BRF1: variants seen among roughly 807,000 people sequenced by gnomAD.
BRF1 encodes the protein BRF1 general transcription factor IIIB subunit.
BRF1 carries 59 observed loss-of-function variants against 81.7 expected under a neutral mutation model. That is an observed-to-expected ratio of 0.72 (90% CI 0.59 to 0.90). The LOEUF (loss-of-function observed/expected upper bound fraction) is 0.90, where lower values mean the gene tolerates loss of function less well. Ranked by LOEUF, BRF1 falls within the 40% of genes least tolerant of loss-of-function variation. The pLI, the probability that BRF1 is intolerant of heterozygous loss-of-function variation, is 0.00. For missense variants in BRF1, 1,050 were observed against 936.3 expected, an observed-to-expected ratio of 1.12 and a Z score of -1.58; for synonymous variants, 491 against 395.6, an observed-to-expected ratio of 1.24 and a Z score of -2.86.
At position 105,226,634 on chromosome 14, in the gene BRF1, C is replaced by G. The variant is rs1893150341; in HGVS notation, c.915G>C (p.Gln305His). Residue 305 changes from glutamine (Q) to histidine (H), a missense_variant and splice_region_variant, in exon 8 of 18, where the codon CAG (glutamine) becomes CAC (histidine). Physicochemically the swap from Gln to His is conservative, Grantham distance 24. Around this residue, in one of 2 missense-constraint regions of BRF1, gnomAD observed 1,043 missense variants for 915.4 expected, o/e 1.14. Coordinates refer to ENST00000547530, the MANE Select transcript of BRF1 (RefSeq NM_001519.4). ...TAGQRKLRMKQLEQVLSKKLE... is the reference protein window; with the variant it reads ...TAGQRKLRMKHLEQVLSKKLE... ...AGACAGACACCAAAGCCGGCGCTAC[C>G]TGCTTCATCCGCAGCTTCCTCTGCC... 6.2e-7 allele frequency: 1 copy of G among 1,613,110 alleles called. No homozygotes were observed.
intron 3 of BRF1, among the ~76,000 whole-genome samples, chr14:105,267,092 C>T (rs371138779): frequency 6.6e-6 from 1 of 152,126 alleles, no homozygotes; most frequent in East Asian, 1.9e-4. Context: ...GAGCAGCAGA[C>T]ACAGTTGTGT....
At chr14:105,228,679 CG>C in intron 7 of BRF1, 140 bp downstream of exon 7, 2 of 885,728 alleles carry the variant, frequency 2.3e-6, no homozygotes, top group East Asian at 4.9e-5. Flanking sequence ...ATAGTGTGAC[CG>C]GGGCTGGGCT....
At chr14:105,244,399 T>G (rs1275846199) in intron 5 of BRF1, among the ~76,000 whole-genome samples, 1 of 152,278 alleles carries the variant, frequency 6.6e-6, no homozygotes, top group East Asian at 1.9e-4. Flanking sequence ...AGCCATGACC[T>G]TGCCACTGCA....
intron 3 of BRF1, among the ~76,000 whole-genome samples, chr14:105,265,722 C>T (rs1381817275): frequency 6.6e-6 from 1 of 151,926 alleles, no homozygotes; most frequent in Non-Finnish European, 1.5e-5. Flanking sequence ...ACAGTGAAAC[C>T]CCTTCTCTAC....
chr14:105,295,426 C>A (rs1190071175), intron 1 of BRF1, among the ~76,000 whole-genome samples: 1 of 151,376 alleles, frequency 6.6e-6, no homozygotes, highest in Non-Finnish European at 1.5e-5. Context: ...GTCAACATGG[C>A]AAAACCCCAT....
rs370098069 is a variant in BRF1 at position 105,220,151 on chromosome 14, C to T, written c.1316-21G>A. 4.8e-5 allele frequency: 78 copies of T among 1,613,012 alleles called. No homozygotes were observed. The African/African-American group carries it at 5.3e-4, about 11-fold the overall frequency. On this transcript the variant is annotated intron_variant, in intron 11 of 17. Coordinates refer to ENST00000547530, the MANE Select transcript of BRF1 (RefSeq NM_001519.4). ...ATCTTCTGGAGGGAAGCACAGCATC[C>T]GCGTCACTCAGGGCCAGCACTGATT...
At chr14:105,222,227 A>C (rs1158057501) in intron 10 of BRF1, 1 of 288,322 alleles carries the variant, frequency 3.5e-6, no homozygotes, top group African/African-American at 2.2e-5. Context: ...TCCATAAAAC[A>C]CTGATAAAAC....
chr14:105,291,265 A>G (rs1419153457), intron 1 of BRF1, among the ~76,000 whole-genome samples: 1 of 152,208 alleles, frequency 6.6e-6, no homozygotes, highest in Non-Finnish European at 1.5e-5. Context: ...CCGAACAGAC[A>G]GAAAGGCGGG....
intron 1 of BRF1, among the ~76,000 whole-genome samples, chr14:105,313,529 A>T (rs1401885537): frequency 1.1e-4 from 17 of 152,218 alleles, no homozygotes; most frequent in Admixed American, 1.0e-3. Flanking sequence ...AGCTGTTTGC[A>T]GTTCTAGATA....
intron 3 of BRF1, among the ~76,000 whole-genome samples, chr14:105,268,821 G>T (rs2056538903): frequency 6.6e-6 from 1 of 152,222 alleles, no homozygotes; most frequent in African/African-American, 2.4e-5. Context: ...CCTGGCTAAA[G>T]GTGGCGAGTC....
intron 2 of BRF1, among the ~76,000 whole-genome samples, chr14:105,280,238 G>A (rs1176577214): frequency 6.6e-6 from 1 of 152,262 alleles, no homozygotes; most frequent in Non-Finnish European, 1.5e-5. Context: ...GCTGTGCAGA[G>A]ACCTGGAGGA....
chr14:105,217,922 C>T (rs587682941), intron 14 of BRF1, 122 bp from the exon 15 acceptor site: 24 of 1,436,618 alleles, frequency 1.7e-5, no homozygotes, highest in African/African-American at 8.4e-5. Flanking sequence ...TCAGAAGGGC[C>T]GCTCCTGCCT....
In BRF1 at chr14:105,309,967, G is replaced by C. The variant is rs907463100; in HGVS notation, c.-162+5355C>G. 1.8e-4 allele frequency among the ~76,000 whole-genome samples: 27 copies of C among 151,530 alleles called. No individual in the cohort carries two copies. Among genetic ancestry groups the C allele is most frequent in the African/African-American group, 6.3e-4 (26 of 41,358 alleles). ...CACCCGACTAATTTTTGTATTTTTA[G>C]TAGAGACGGGGTTTCAGTGTATTGG... On this transcript the variant is annotated intron_variant, in intron 1 of 17. Transcript: ENST00000327359. The surrounding 1 kb of genome is among the most constrained non-coding windows in gnomAD (Gnocchi z 4.0).
chr14:105,247,824 G>A (rs990924728), intron 5 of BRF1: 108 of 985,638 alleles, frequency 1.1e-4, no homozygotes, highest in Non-Finnish European at 1.3e-4. Context: ...TGCGGCCCAG[G>A]CCAGGTGACA....
chr14:105,305,049 G>A (rs587732833), upstream of BRF1, among the ~76,000 whole-genome samples: 1 of 152,346 alleles, frequency 6.6e-6, no homozygotes, highest in Admixed American at 6.5e-5. Context: ...GAGAGGTGGG[G>A]CCTTTGGGAG....
chr14:105,214,455 CT>C (rs1270700564), intron 15 of BRF1, among the ~76,000 whole-genome samples: 26 of 148,236 alleles, frequency 1.8e-4, no homozygotes, highest in Admixed American at 1.7e-3. Context: ...CCCTGCGTGG[CT>C]CAGCTGCCCA....
At chr14:105,300,230 T>C (rs1455547226) in intron 1 of BRF1, among the ~76,000 whole-genome samples, 1 of 152,112 alleles carries the variant, frequency 6.6e-6, no homozygotes, top group Non-Finnish European at 1.5e-5. Context: ...CACGCGTGTG[T>C]CGAGGAAGTC....
intron 3 of BRF1, among the ~76,000 whole-genome samples, chr14:105,258,726 G>T (rs2056011368): frequency 6.7e-6 from 1 of 149,946 alleles, no homozygotes. Context: ...TTGAACCCAG[G>T]AAGCAGAAGT....
chr14:105,307,361 T>C (rs962622868), intron 1 of BRF1, among the ~76,000 whole-genome samples: 13 of 152,164 alleles, frequency 8.5e-5, no homozygotes, highest in African/African-American at 3.1e-4. Flanking sequence ...CAGAGCCCAC[T>C]GAAATGACCC....
Sources: allele counts gnomAD v4.1 joint callset (sites outside exome capture counted in the v4.1 genomes callset), GRCh38; gene constraint gnomAD v4.1.1; regional missense constraint gnomAD v4.1.1; non-coding constraint Gnocchi (gnomAD v3.1); transcripts MANE v1.5; gene names NCBI Gene and HGNC (gene_info 2026-07-23, HGNC 2026-07-21).